IARS2: variants seen among roughly 807,000 people sequenced by gnomAD.
IARS2 encodes the protein isoleucyl-tRNA synthetase 2, mitochondrial, also known as isoleucine--tRNA ligase, mitochondrial.
Under a neutral mutation model 126.3 loss-of-function variants are expected in IARS2, and 56 were observed. The observed-to-expected ratio is 0.44, with a 90% CI of 0.36 to 0.55. The LOEUF is 0.55. Among genes scored for constraint, IARS2 ranks in the 20% least tolerant of loss-of-function variants. The pLI is 0.00. For synonymous variants in IARS2, 407 were observed against 441.1 expected, an observed-to-expected ratio of 0.92 and a Z score of 0.97; for missense variants, 1,127 against 1,245.9, an observed-to-expected ratio of 0.90 and a Z score of 1.44.
chr1:220,101,106 CTG>C (rs1451731071), intron 3 of IARS2, among the ~76,000 whole-genome samples: 2 of 152,044 alleles, frequency 1.3e-5, no homozygotes, highest in Admixed American at 6.6e-5. Context: ...TTGGATGTAA[CTG>C]TGAAGATTTT....
chr1:220,142,097 C>A, intron 20 of IARS2, 149 bp downstream of exon 20: 1 of 738,634 alleles, frequency 1.4e-6, no homozygotes, highest in Non-Finnish European at 2.2e-6. Flanking sequence ...TTTGTTTCTG[C>A]ACCTATTTGT....
At chr1:220,111,038 T>C in intron 11 of IARS2, 101 bp downstream of exon 11, 1 of 1,055,452 alleles carries the variant, frequency 9.5e-7, no homozygotes, top group Admixed American at 2.5e-5. Context: ...TAATAGGGAT[T>C]GCTGCTATTA....
rs138193048 is a variant in IARS2 at position 220,101,688 on chromosome 1, A to G, written c.551-441A>G. On this transcript the variant is annotated intron_variant, in intron 3 of 22. Transcript: ENST00000366922. Reference sequence around the variant, plus strand: ...TGCATGCCAACCTGGGCAACAGAGCAAGACTCCATCTCAAAAAAAAAAAAT... The same window carrying G: ...TGCATGCCAACCTGGGCAACAGAGCGAGACTCCATCTCAAAAAAAAAAAAT... Among the ~76,000 whole-genome samples, 216 of 150,790 alleles carry G rather than the reference A, an allele frequency of 1.4e-3. 2 individuals are homozygous for G. The highest frequency in any genetic ancestry group is 2.1e-3 in the Non-Finnish European group (145 of 67,772).
At chr1:220,107,625 G>A (rs1656708178) in intron 10 of IARS2, among the ~76,000 whole-genome samples, 1 of 152,106 alleles carries the variant, frequency 6.6e-6, no homozygotes, top group African/African-American at 2.4e-5. Flanking sequence ...CTAAGACTAA[G>A]GCTATTTAGA....
chr1:220,140,462 C>T (rs984901218), intron 19 of IARS2, among the ~76,000 whole-genome samples, 173 bp downstream of exon 19: 5 of 151,964 alleles, frequency 3.3e-5, no homozygotes, highest in East Asian at 1.9e-4. Context: ...GCCTGTAATC[C>T]GAGTCACTCA....
At chr1:220,126,464 T>C (rs1299275393) in intron 13 of IARS2, among the ~76,000 whole-genome samples, 1 of 152,218 alleles carries the variant, frequency 6.6e-6, no homozygotes, top group Non-Finnish European at 1.5e-5. Flanking sequence ...TAGAGTTAGC[T>C]GATTGTATCA....
Position 220,103,530 on chromosome 1 carries a change from A to G in IARS2, c.1034A>G (p.Glu345Gly), listed in dbSNP as rs1571845847. 1 of 1,612,902 alleles carries G rather than the reference A, an allele frequency of 6.2e-7. No individual in the cohort carries two copies. Among genetic ancestry groups the G allele is most frequent in the Non-Finnish European group, 8.5e-7 (1 of 1,178,964 alleles). Residue 345 changes from glutamate (E) to glycine (G), a missense_variant, in exon 8 of 23, where the codon GAA (glutamate) becomes GGA (glycine). Transcript: ENST00000366922. ...DKVASVASTL[E>G]TTFETISTLS... ...GTAGCATCTGTTGCTTCTACTTTGG[A>G]AACAACATTTGAGACTATTTCAACA...
chr1:220,105,882 TC>T lies in IARS2; in HGVS notation c.1067-5del. The stretch of plus-strand genomic sequence containing the variant: ...AATGATTCTTAATAGTGGTTTTCTT[TC>T]CCCACAGGTGTAGATTTGGAAAATG... On this transcript the variant is annotated splice_polypyrimidine_tract_variant and splice_region_variant and intron_variant, in intron 8 of 22. Coordinates refer to ENST00000366922, the MANE Select transcript of IARS2 (RefSeq NM_018060.4). 6.2e-7 allele frequency: 1 copy of T among 1,612,910 alleles called. No homozygotes were observed. Among genetic ancestry groups the T allele is most frequent in the East Asian group, 2.2e-5 (1 of 44,864 alleles).
At chr1:220,146,525 A>AAAAC (rs1657595685) in intron 22 of IARS2, among the ~76,000 whole-genome samples, 1 of 143,570 alleles carries the variant, frequency 7.0e-6, no homozygotes, top group South Asian at 2.2e-4. Flanking sequence ...CTCAAAAAAA[A>AAAAC]AAAAAAAAAA....
intron 7 of IARS2, 49 bp from the exon 8 acceptor site, chr1:220,103,398 G>A (rs1462338603): frequency 1.9e-6 from 2 of 1,076,264 alleles, no homozygotes; most frequent in East Asian, 4.8e-5. Flanking sequence ...TGATATCTGT[G>A]GCTTTTCTTG....
intron 12 of IARS2, among the ~76,000 whole-genome samples, chr1:220,121,100 GA>G (rs755803134): frequency 6.6e-6 from 1 of 151,942 alleles, no homozygotes. Context: ...ATGTAACAAG[GA>G]AAAAAATCTG....
chr1:220,127,488 G>T (rs945113575), intron 14 of IARS2, among the ~76,000 whole-genome samples: 4 of 152,232 alleles, frequency 2.6e-5, no homozygotes, highest in South Asian at 2.1e-4. Flanking sequence ...AGATGCTTGA[G>T]AAGAAATATT....
intron 14 of IARS2, among the ~76,000 whole-genome samples, chr1:220,133,104 A>G (rs2244421): frequency 0.95 from 143,689 of 151,736 alleles, 68,145 homozygotes; most frequent in East Asian, 1. Flanking sequence ...TCCACCTCCC[A>G]GGTTCAAGTG....
intron 16 of IARS2, 129 bp from the exon 17 acceptor site, chr1:220,137,789 A>T: frequency 1.1e-6 from 1 of 907,540 alleles, no homozygotes; most frequent in Non-Finnish European, 1.7e-6. Context: ...GCATTTCATT[A>T]CAGTGCTAGT....
At chr1:220,128,491 T>G (rs976820462) in intron 14 of IARS2, among the ~76,000 whole-genome samples, 4 of 152,164 alleles carry the variant, frequency 2.6e-5, no homozygotes, top group Non-Finnish European at 5.9e-5. Context: ...GAGGTTTGTG[T>G]AAGTACACTC....
intron 21 of IARS2, among the ~76,000 whole-genome samples, chr1:220,143,502 G>A (rs1657529124): frequency 1.3e-5 from 2 of 152,120 alleles, no homozygotes; most frequent in African/African-American, 4.8e-5. Flanking sequence ...ACTGTGTAGG[G>A]ATAGGGAAGG....
chr1:220,102,033 T>TTCTAAA, intron 3 of IARS2, 96 bp from the exon 4 acceptor site: 1 of 1,198,220 alleles, frequency 8.3e-7, no homozygotes, highest in Middle Eastern at 2.7e-4. Context: ...TTCTAAACTG[T>TTCTAAA]CTGTAGCATT....
At chr1:220,140,983 CAA>C (rs555848103) in intron 19 of IARS2, among the ~76,000 whole-genome samples, 29 of 69,170 alleles carry the variant, frequency 4.2e-4, no homozygotes, top group Admixed American at 8.2e-4. Context: ...GACTCCGTCT[CAA>C]AAAAAAAAAA....
chr1:220,140,128 T>C (rs1657455195), intron 18 of IARS2, 55 bp from the exon 19 acceptor site: 2 of 1,012,866 alleles, frequency 2.0e-6, no homozygotes, highest in Non-Finnish European at 3.1e-6. Context: ...TGTGATGACT[T>C]ACATTTTCAT....
Sources: allele counts gnomAD v4.1 joint callset (sites outside exome capture counted in the v4.1 genomes callset), GRCh38; gene constraint gnomAD v4.1.1; transcripts MANE v1.5; gene names NCBI Gene and HGNC (gene_info 2026-07-23, HGNC 2026-07-21).